XPO4: variants seen among roughly 807,000 people sequenced by gnomAD.
XPO4 encodes exportin-4.
A neutral mutation model predicts 143.0 loss-of-function variants in XPO4; 39 were observed. The observed-to-expected ratio is 0.27, with a 90% confidence interval of 0.21 to 0.36. The LOEUF is 0.36. XPO4 is among the 10% of genes least tolerant of loss of function. The pLI is 1.00. For missense variants in XPO4, 907 were observed against 1,348.0 expected (o/e 0.67, Z 5.12); for synonymous variants, 439 against 474.0 (o/e 0.93, Z 0.96).
At chr13:20,831,040 C>G (rs1033939116) in intron 6 of XPO4, among the ~76,000 whole-genome samples, 22 of 151,988 alleles carry the variant, frequency 1.4e-4, no homozygotes, top group African/African-American at 4.1e-4. Flanking sequence ...TCTCAAATGA[C>G]TATTTCTATC....
intron 16 of XPO4, 70 bp downstream of exon 16, chr13:20,799,095 C>T (rs770630489): frequency 1.2e-5 from 17 of 1,369,836 alleles, no homozygotes; most frequent in South Asian, 5.4e-5. Context: ...GAGACTCTTA[C>T]GGCAACGCAT....
chr13:20,867,506 A>G (rs1000050154), intron 2 of XPO4, among the ~76,000 whole-genome samples: 5 of 152,310 alleles, frequency 3.3e-5, no homozygotes, highest in African/African-American at 1.2e-4. Flanking sequence ...GGCAAATGGT[A>G]TCGTTATTGC....
At chr13:20,791,068 A>C (rs560094814) in intron 18 of XPO4, among the ~76,000 whole-genome samples, 29 of 152,158 alleles carry the variant, frequency 1.9e-4, no homozygotes, top group Non-Finnish European at 4.0e-4. Flanking sequence ...TTAAAAAAGA[A>C]CAACCAATAT....
chr13:20,827,647 G>A (rs2059800920), intron 6 of XPO4, among the ~76,000 whole-genome samples: 1 of 151,666 alleles, frequency 6.6e-6, no homozygotes, highest in Non-Finnish European at 1.5e-5. Flanking sequence ...TATATTCACT[G>A]GAAAAGCAAA....
chr13:20,878,266 T>G (rs1169283515), intron 1 of XPO4, among the ~76,000 whole-genome samples: 2 of 152,186 alleles, frequency 1.3e-5, no homozygotes, highest in Non-Finnish European at 2.9e-5. Flanking sequence ...GAATTGAGAC[T>G]TATCTAGAAA....
At chr13:20,805,258 C>T (rs982019739) in intron 13 of XPO4, among the ~76,000 whole-genome samples, 3 of 152,142 alleles carry the variant, frequency 2.0e-5, no homozygotes, top group African/African-American at 7.2e-5. Flanking sequence ...ATCATTTACT[C>T]TTAATGCAGC....
chr13:20,879,619 C>A (rs1364117818), intron 1 of XPO4, among the ~76,000 whole-genome samples: 1 of 151,918 alleles, frequency 6.6e-6, no homozygotes, highest in Non-Finnish European at 1.5e-5. Flanking sequence ...GTTTACAGAA[C>A]AATAAATTAA....
chr13:20,849,081 C>G (rs1045717674), intron 4 of XPO4: 1 of 985,250 alleles, frequency 1.0e-6, no homozygotes, highest in Admixed American at 6.2e-5. Context: ...TGTCACAAGC[C>G]CAAGATACTC....
intron 6 of XPO4, among the ~76,000 whole-genome samples, chr13:20,833,881 G>C (rs1229943538): frequency 6.6e-6 from 1 of 152,146 alleles, no homozygotes; most frequent in Non-Finnish European, 1.5e-5. Context: ...CTATGAGAGG[G>C]AGGTGGTGAT....
In XPO4 at chr13:20,822,113, A is replaced by T. The variant is rs1440237908; in HGVS notation, c.998+19T>A. ...AACGTAGAGCTCCTTTTTCAGCTGC[A>T]AAGGGCAAGTATACCTACCCATTGA... is the stretch of plus-strand genomic sequence containing the variant. On this transcript the variant is annotated intron_variant, in intron 8 of 22. Coordinates refer to ENST00000255305, the MANE Select transcript of XPO4 (RefSeq NM_022459.5). The T allele has an allele frequency of 6.3e-7, 1 of 1,579,282 alleles. No homozygotes were observed. Among genetic ancestry groups the T allele is most frequent in the Non-Finnish European group, 8.6e-7 (1 of 1,164,630 alleles).
chr13:20,900,769 G>T (rs113533372), intron 1 of XPO4, among the ~76,000 whole-genome samples: 1 of 149,860 alleles, frequency 6.7e-6, no homozygotes, highest in Non-Finnish European at 1.5e-5. Context: ...CAGCCATCAC[G>T]CCCGGCTAAT....
At chr13:20,881,576 T>G (rs2060410584) in intron 1 of XPO4, among the ~76,000 whole-genome samples, 2 of 151,940 alleles carry the variant, frequency 1.3e-5, no homozygotes, top group Admixed American at 6.6e-5. Flanking sequence ...AGCCAATAAT[T>G]TTTTTTAAAA....
intron 7 of XPO4, among the ~76,000 whole-genome samples, chr13:20,823,654 C>CT (rs569439475): frequency 7.9e-4 from 117 of 148,932 alleles, no homozygotes; most frequent in Non-Finnish European, 1.1e-3. Flanking sequence ...ACACAGAATT[C>CT]TTTTTTTTTC....
At chr13:20,856,377 A>G in intron 3 of XPO4, 1 of 985,348 alleles carries the variant, frequency 1.0e-6, no homozygotes, top group Non-Finnish European at 1.2e-6. Flanking sequence ...ATGTGATGAC[A>G]GAAGCACCCA....
intron 1 of XPO4, chr13:20,879,329 G>C (rs1309419065): frequency 2.0e-6 from 2 of 984,302 alleles, no homozygotes; most frequent in Non-Finnish European, 2.4e-6. Context: ...GGAGAAGGGA[G>C]GGAAGGATTA....
chr13:20,780,120 G>A lies in XPO4; in HGVS notation c.*3602C>T, dbSNP rs901950691. On this transcript the variant is annotated 3_prime_UTR_variant, in exon 23 of 23. Coordinates refer to ENST00000255305, the MANE Select transcript of XPO4 (RefSeq NM_022459.5). ...AGCCAAATCAGTTCCTTATTCTCTG[G>A]TTTTAGAAAACACAAACAAACCTTA... is the stretch of plus-strand genomic sequence containing the variant. The A allele has an allele frequency of 1.3e-5, 2 of 152,032 alleles. No homozygotes were observed. The highest frequency in any genetic ancestry group is 2.9e-5 in the Non-Finnish European group (2 of 68,004). The allele number at this position is 152,032 out of a possible 1,614,324, so 9.4% of individuals were successfully genotyped here.
chr13:20,806,359 A>G (rs1369180142), intron 13 of XPO4, among the ~76,000 whole-genome samples: 1 of 152,118 alleles, frequency 6.6e-6, no homozygotes, highest in Non-Finnish European at 1.5e-5. Flanking sequence ...AATGATATCC[A>G]TATATTTTTG....
Position 20,796,185 on chromosome 13 carries a change from C to T in XPO4, c.2688G>A (p.Arg896=), listed in dbSNP as rs371381975. ...LQVYSKNNLG[R]QRIDVTAEEE... Reference sequence around the variant, plus strand: ...CTTCTGCTGTAACATCTATTCTTTGCCGCCCTAAATTATTCTTAGAATACA... The same window carrying T: ...CTTCTGCTGTAACATCTATTCTTTGTCGCCCTAAATTATTCTTAGAATACA... The change falls in exon 18 of 23, where the codon CGG becomes CGA. Residue 896 remains arginine (R), a synonymous_variant. Transcript: ENST00000255305. The T allele has an allele frequency of 2.2e-5, 36 of 1,613,456 alleles. No individual in the cohort carries two copies. Among genetic ancestry groups the T allele is most frequent in the Non-Finnish European group, 3.0e-5 (35 of 1,179,884 alleles).
chr13:20,902,395 G>A (rs2060629749), intron 1 of XPO4: 5 of 985,306 alleles, frequency 5.1e-6, no homozygotes, highest in East Asian at 1.1e-4. Flanking sequence ...CAGGGTGTAA[G>A]GTGAAGAAAT....
Sources: gnomAD v4.1 joint callset for allele counts (sites outside exome capture counted in the v4.1 genomes callset) on GRCh38, gnomAD v4.1.1 for gene constraint, MANE v1.5 for transcripts, NCBI Gene and HGNC (gene_info 2026-07-23, HGNC 2026-07-21) for gene names.